The following RIMS1 variants were observed in gnomAD, a reference collection of about 807,000 sequenced individuals.
The protein encoded by RIMS1 is regulating synaptic membrane exocytosis 1.
Under a neutral mutation model 214.1 loss-of-function variants are expected in RIMS1, and 83 were observed. That is an observed-to-expected ratio of 0.39 (90% confidence interval 0.32 to 0.47). The LOEUF (loss-of-function observed/expected upper bound fraction) is 0.47. Among genes scored for constraint, RIMS1 ranks in the 20% least tolerant of loss-of-function variants. The pLI is 0.99. For synonymous variants in RIMS1, 793 were observed against 786.8 expected (o/e 1.01, Z -0.13); for missense variants, 2,050 against 2,161.8 (o/e 0.95, Z 1.03).
chr6:72,054,785 T>G (rs535964771), intron 2 of RIMS1, among the ~76,000 whole-genome samples: 2 of 152,344 alleles, frequency 1.3e-5, no homozygotes, highest in East Asian at 3.9e-4. Flanking sequence ...GACTTTTTTC[T>G]TGTAAATTTG....
chr6:71,999,192 T>C (rs986431691), intron 2 of RIMS1, among the ~76,000 whole-genome samples: 1 of 152,168 alleles, frequency 6.6e-6, no homozygotes, highest in Non-Finnish European at 1.5e-5. Context: ...TCTTTCAAGA[T>C]AGACTATCAT....
At chr6:71,915,916 G>A (rs1251166308) in intron 1 of RIMS1, among the ~76,000 whole-genome samples, 1 of 151,870 alleles carries the variant, frequency 6.6e-6, no homozygotes, top group African/African-American at 2.4e-5. Flanking sequence ...TGTGTGCAGG[G>A]GAACTCTCCT....
At chr6:72,347,491 T>C (rs2097305650) in intron 29 of RIMS1, among the ~76,000 whole-genome samples, 1 of 151,918 alleles carries the variant, frequency 6.6e-6, no homozygotes, top group African/African-American at 2.4e-5. Context: ...GATATGAACT[T>C]ATTTTAATAA....
intron 4 of RIMS1, among the ~76,000 whole-genome samples, chr6:72,109,927 C>A (rs1238728544): frequency 6.6e-6 from 1 of 152,084 alleles, no homozygotes; most frequent in Non-Finnish European, 1.5e-5. Context: ...TATGGCTAGC[C>A]AGTTTTCCCA....
intron 5 of RIMS1, among the ~76,000 whole-genome samples, chr6:72,181,602 A>T (rs1221060732): frequency 6.6e-6 from 1 of 152,226 alleles, no homozygotes. Flanking sequence ...AATTTGAAGA[A>T]GATTGATAGG....
At chr6:72,193,257 T>C (rs2050345365) in intron 6 of RIMS1, among the ~76,000 whole-genome samples, 1 of 152,182 alleles carries the variant, frequency 6.6e-6, no homozygotes, top group African/African-American at 2.4e-5. Flanking sequence ...AGACTTTGGT[T>C]ACCATTTGGG....
At chr6:71,907,005 T>C (rs1775439008) in intron 1 of RIMS1, among the ~76,000 whole-genome samples, 1 of 152,190 alleles carries the variant, frequency 6.6e-6, no homozygotes, top group African/African-American at 2.4e-5. Flanking sequence ...CAATTGGAGC[T>C]TTGGTTCTTA....
rs1767872248 is a variant in RIMS1, at chr6:71,886,715, G to T, written c.-309G>T. ...CTCGCCCCCTCGCCTCTCCCGCCGC[G>T]CCTCCGCCTGCCCGCCCCCGCCGGC... On this transcript the variant is annotated 5_prime_UTR_variant, in exon 1 of 34. Transcript: ENST00000521978. The T allele has an allele frequency of 5.8e-6, 1 of 173,026 alleles. No individual in the cohort carries two copies. The highest frequency in any genetic ancestry group is 1.7e-4 in the South Asian group (1 of 5,872). The allele number at this position is 173,026 out of a possible 1,614,324, so 10.7% of individuals were successfully genotyped here.
Position 72,061,697 on chromosome 6 carries a change from A to C in RIMS1, c.246-35252A>C, listed in dbSNP as rs149126440. ...AAGCCTGTTTCAGCATCTCTGAGAA[A>C]ATAGCTGACTGTAAAATCAAAAGAG... On this transcript the variant is annotated intron_variant, in intron 2 of 33. Transcript: ENST00000521978. Among the ~76,000 whole-genome samples the C allele has an allele frequency of 7.5e-3, 1,138 of 152,378 alleles. 14 individuals are homozygous for C. Among genetic ancestry groups the C allele is most frequent in the African/African-American group, 0.026 (1,067 of 41,588 alleles).
chr6:72,004,493 A>C (rs1271066292), intron 2 of RIMS1, among the ~76,000 whole-genome samples: 1 of 151,644 alleles, frequency 6.6e-6, no homozygotes, highest in Non-Finnish European at 1.5e-5. Flanking sequence ...CCAACAGTGT[A>C]AAAGTGTTCC....
At chr6:72,273,339 C>CT (rs1342418463) in intron 22 of RIMS1, among the ~76,000 whole-genome samples, 1 of 152,042 alleles carries the variant, frequency 6.6e-6, no homozygotes, top group Non-Finnish European at 1.5e-5. Flanking sequence ...TAAATGAGTC[C>CT]TTTAAGACTA....
At chr6:72,054,230 A>G (rs535926650) in intron 2 of RIMS1, among the ~76,000 whole-genome samples, 1 of 152,180 alleles carries the variant, frequency 6.6e-6, no homozygotes, top group East Asian at 1.9e-4. Flanking sequence ...TTCCTGTTTC[A>G]TCCATGTCCC....
chr6:72,118,332 TA>T (rs918417392), intron 4 of RIMS1, among the ~76,000 whole-genome samples: 2 of 150,526 alleles, frequency 1.3e-5, no homozygotes, highest in East Asian at 3.9e-4. Flanking sequence ...TTTCAGTAAT[TA>T]AAAAAAATTG....
chr6:72,061,160 C>T (rs940442029), intron 2 of RIMS1, among the ~76,000 whole-genome samples: 1 of 151,954 alleles, frequency 6.6e-6, no homozygotes, highest in Middle Eastern at 3.2e-3. Context: ...CATGATATAG[C>T]TTGGTTCTTA....
intron 2 of RIMS1, among the ~76,000 whole-genome samples, chr6:71,982,338 T>C (rs1289105637): frequency 2.6e-5 from 4 of 152,176 alleles, no homozygotes; most frequent in Non-Finnish European, 2.9e-5. Flanking sequence ...CTTTGAGTTC[T>C]ATTTCAGGGT....
chr6:71,989,127 T>C (rs17568434), intron 2 of RIMS1, among the ~76,000 whole-genome samples: 17,622 of 152,212 alleles, frequency 0.12, 1,248 homozygotes, highest in South Asian at 0.19. Context: ...TGGTGCATTA[T>C]ACACATGGGA....
intron 23 of RIMS1, among the ~76,000 whole-genome samples, chr6:72,277,821 TAATTATA>T (rs2087448551): frequency 6.6e-6 from 1 of 152,164 alleles, no homozygotes; most frequent in African/African-American, 2.4e-5. Flanking sequence ...TATATATACG[TAATTATA>T]TGAGTGTAAA....
chr6:71,991,014 G>A (rs1801430097), intron 2 of RIMS1, among the ~76,000 whole-genome samples: 1 of 152,216 alleles, frequency 6.6e-6, no homozygotes, highest in Admixed American at 6.5e-5. Context: ...ATATGTTTAT[G>A]TACATTAGAT....
In RIMS1 at chr6:72,219,044, G is replaced by A. The variant is rs558804508; in HGVS notation, c.1679-14729G>A. ...GCAAGGAGGGTTCTGTTAGAGAAAT[G>A]AAGAAGTCATTTGGAAAACAAAAAC... On this transcript the variant is annotated intron_variant, in intron 6 of 33. Transcript: ENST00000521978. Among the ~76,000 whole-genome samples, 6 of 152,232 alleles carry A rather than the reference G, an allele frequency of 3.9e-5. No individual in the cohort carries two copies. The South Asian group carries it at 6.2e-4, about 16-fold the overall frequency.
Sources: gnomAD v4.1 joint callset for allele counts (sites outside exome capture counted in the v4.1 genomes callset) on GRCh38, gnomAD v4.1.1 for gene constraint, MANE v1.5 for transcripts, NCBI Gene and HGNC (gene_info 2026-07-23, HGNC 2026-07-21) for gene names.